ARMC9: variants seen among roughly 807,000 people sequenced by gnomAD.
ARMC9 encodes the protein armadillo repeat containing 9.
In ARMC9, 94 loss-of-function variants were observed where a neutral mutation model predicts 107.0. The ratio of observed to expected loss-of-function variants is 0.88; its 90% confidence interval spans 0.74 to 1.04. The LOEUF (loss-of-function observed/expected upper bound fraction) is 1.04. Among genes scored for constraint, ARMC9 ranks in the 50% least tolerant of loss-of-function variants. The pLI is 0.00. For missense variants in ARMC9, 942 were observed against 1,030.1 expected (o/e 0.91, Z 1.17); for synonymous variants, 380 against 396.9 (o/e 0.96, Z 0.51).
chr2:231,280,572 C>G (rs1392440484), intron 16 of ARMC9, among the ~76,000 whole-genome samples: 1 of 152,028 alleles, frequency 6.6e-6, no homozygotes. Flanking sequence ...AATATGTTTG[C>G]TACACTGTAG....
At chr2:231,266,484 G>A (rs1416865991) in intron 12 of ARMC9, among the ~76,000 whole-genome samples, 2 of 152,082 alleles carry the variant, frequency 1.3e-5, no homozygotes, top group African/African-American at 2.4e-5. Context: ...ATTTTTAGGT[G>A]TACAGTTCAG....
At chr2:231,259,693 T>C (rs1295141010) in intron 11 of ARMC9, among the ~76,000 whole-genome samples, 1 of 152,052 alleles carries the variant, frequency 6.6e-6, no homozygotes, top group East Asian at 1.9e-4. Context: ...GCATTTGAAA[T>C]TAAAACTGAG....
chr2:231,300,999 C>G (rs571888742), intron 19 of ARMC9, among the ~76,000 whole-genome samples: 1 of 152,042 alleles, frequency 6.6e-6, no homozygotes, highest in Admixed American at 6.6e-5. Flanking sequence ...ATCAACCCCC[C>G]CAAGAAACCC....
At chr2:231,369,302 TA>T (rs1282330103) in intron 23 of ARMC9, among the ~76,000 whole-genome samples, 4 of 151,984 alleles carry the variant, frequency 2.6e-5, no homozygotes, top group Non-Finnish European at 5.9e-5. Context: ...TTTTTTATTT[TA>T]TTTTTTTGAG....
chr2:231,272,968 T>C lies in ARMC9; in HGVS notation c.1224T>C (p.Leu408=). The change falls in exon 14 of 25, where the codon CTT becomes CTC. Residue 408 remains leucine, a synonymous_variant. Coordinates refer to ENST00000611582, the MANE Select transcript of ARMC9 (RefSeq NM_001352754.2). ...GTGTATTATCAGGTCGCCTCTACCTTGCCCAGAACACAAAGGTGCTGCAGA... is the reference window on the plus strand; with the variant it reads ...GTGTATTATCAGGTCGCCTCTACCTCGCCCAGAACACAAAGGTGCTGCAGA... ...FASLAEGRLY[L]AQNTKVLQML... is the part of the protein sequence containing the mutation. 2 of 1,613,946 alleles carry C rather than the reference T, an allele frequency of 1.2e-6. No homozygotes were observed. The highest frequency in any genetic ancestry group is 1.7e-6 in the Non-Finnish European group (2 of 1,179,886).
At chr2:231,288,722 G>C (rs565541616) in intron 17 of ARMC9, 1 of 471,212 alleles carries the variant, frequency 2.1e-6, no homozygotes, top group South Asian at 1.5e-5. Flanking sequence ...AGGCTGAAAG[G>C]TGAAATCCTC....
At chr2:231,211,414 C>G (rs1197301290) in intron 3 of ARMC9, among the ~76,000 whole-genome samples, 1 of 151,726 alleles carries the variant, frequency 6.6e-6, no homozygotes, top group Admixed American at 6.6e-5. Context: ...CACCTGTAAT[C>G]CCAGCTACTT....
chr2:231,337,410 C>T (rs1389369504), intron 20 of ARMC9, among the ~76,000 whole-genome samples: 1 of 147,176 alleles, frequency 6.8e-6, no homozygotes, highest in African/African-American at 2.5e-5. Context: ...GATTCTCCTG[C>T]CTCAGCCTCC....
chr2:231,325,739 A>G (rs917646840), intron 19 of ARMC9, among the ~76,000 whole-genome samples: 2 of 152,256 alleles, frequency 1.3e-5, no homozygotes, highest in Non-Finnish European at 2.9e-5. Flanking sequence ...AGCCAAGGCA[A>G]CAACCTCAAT....
chr2:231,292,586 G>A lies in ARMC9; in HGVS notation c.1717+1143G>A, dbSNP rs184578616. ...GAGGAAGGCCAGGAAGCCTGGGATG[G>A]GGCAGAGGTGGTAGGGAAAGCTCTT... On this transcript the variant is annotated intron_variant, in intron 18 of 24. Transcript: ENST00000611582. 6.1e-4 allele frequency among the ~76,000 whole-genome samples: 93 copies of A among 152,294 alleles called. 1 individual carries two copies. The highest frequency in any genetic ancestry group is 6.0e-3 in the Admixed American group (92 of 15,296).
chr2:231,305,103 G>A (rs1247813679), intron 19 of ARMC9, among the ~76,000 whole-genome samples: 1 of 152,166 alleles, frequency 6.6e-6, no homozygotes, highest in Non-Finnish European at 1.5e-5. Context: ...CAAAAGATGG[G>A]CCATAAGGGT....
chr2:231,220,753 A>C (rs539752865), intron 5 of ARMC9, among the ~76,000 whole-genome samples: 3 of 152,312 alleles, frequency 2.0e-5, no homozygotes, highest in African/African-American at 7.2e-5. Flanking sequence ...AAGAATGGTC[A>C]AGAAAAAAAT....
Position 231,372,699 on chromosome 2 carries a change from G to GGTGTGTGTGTGTGTGTGTGT in ARMC9, c.*1201_*1220dup, listed in dbSNP as rs61556705. 3.1e-5 allele frequency: 4 copies of GGTGTGTGTGTGTGTGTGTGT among 127,770 alleles called. No homozygotes were observed. In the East Asian group the frequency reaches 1.0e-3, roughly 33 times the overall value. The allele number at this position is 127,770 out of a possible 1,614,324, so 7.9% of individuals were successfully genotyped here. A position where few individuals can be genotyped will look rare whatever the true frequency, so the allele number is the denominator to read the frequency against. On this transcript the variant is annotated 3_prime_UTR_variant, in exon 25 of 25. Transcript: ENST00000611582. ...CAAATAAAACCCATCAGTATTTAGT[G>GGTGTGTGTGTGTGTGTGTGT]GTGTGTGTGTGTGTGTGTGTGTGTG...
intron 7 of ARMC9, among the ~76,000 whole-genome samples, chr2:231,233,263 A>G (rs2035407268): frequency 6.6e-6 from 1 of 152,278 alleles, no homozygotes; most frequent in South Asian, 2.1e-4. Context: ...AACACAAATT[A>G]GGAAGAATGG....
At chr2:231,227,788 C>T (rs374448128) in intron 7 of ARMC9, among the ~76,000 whole-genome samples, 11 of 152,238 alleles carry the variant, frequency 7.2e-5, no homozygotes, top group African/African-American at 1.9e-4. Flanking sequence ...GAGAAGGCTT[C>T]GGATGCTTGG....
intron 22 of ARMC9, among the ~76,000 whole-genome samples, chr2:231,356,732 C>A (rs564654987): frequency 6.6e-6 from 1 of 152,108 alleles, no homozygotes. Context: ...GTTTTGCCAG[C>A]GTTGATCATC....
chr2:231,258,859 TGGAAGCCG>T, intron 10 of ARMC9, 124 bp from the exon 11 acceptor site: 1 of 772,136 alleles, frequency 1.3e-6, no homozygotes, highest in Admixed American at 2.6e-5. Context: ...GCCCTCCAAG[TGGAAGCCG>T]GGAGGTCATG....
chr2:231,275,613 A>G (rs1393934977), intron 14 of ARMC9, among the ~76,000 whole-genome samples: 1 of 152,194 alleles, frequency 6.6e-6, no homozygotes, highest in African/African-American at 2.4e-5. Flanking sequence ...CTTTATTTTT[A>G]TACAGCTCAG....
At chr2:231,365,338 G>A (rs1014627718) in intron 23 of ARMC9, among the ~76,000 whole-genome samples, 3 of 152,192 alleles carry the variant, frequency 2.0e-5, no homozygotes, top group African/African-American at 7.2e-5. Context: ...TATGATCTCA[G>A]CGTATCAATA....
Sources: gnomAD v4.1 joint callset for allele counts (sites outside exome capture counted in the v4.1 genomes callset) on GRCh38, gnomAD v4.1.1 for gene constraint, MANE v1.5 for transcripts, NCBI Gene and HGNC (gene_info 2026-07-23, HGNC 2026-07-21) for gene names.